Variants in FRMD4B observed in about 807,000 individuals in gnomAD.
The protein encoded by FRMD4B is FERM domain-containing protein 4B.
Under a neutral mutation model 141.5 loss-of-function variants are expected in FRMD4B, and 74 were observed. The observed-to-expected ratio is 0.52, with a 90% CI of 0.43 to 0.63. The LOEUF (loss-of-function observed/expected upper bound fraction) is 0.63, where lower values mean the gene tolerates loss of function less well. Ranked by LOEUF, FRMD4B falls within the 30% of genes least tolerant of loss-of-function variation. The pLI, the probability that FRMD4B is intolerant of heterozygous loss-of-function variation, is 0.00. For missense variants in FRMD4B, 1,366 were observed against 1,253.4 expected (o/e 1.09, Z -1.36); for synonymous variants, 506 against 467.9 (o/e 1.08, Z -1.05).
At chr3:69,366,361 A>G (rs999479481) in intron 1 of FRMD4B, among the ~76,000 whole-genome samples, 82 of 152,326 alleles carry the variant, frequency 5.4e-4, no homozygotes, top group African/African-American at 1.9e-3. Context: ...TGGTTCATTC[A>G]TACCATTGAA....
intron 3 of FRMD4B, among the ~76,000 whole-genome samples, chr3:69,310,051 A>T (rs997651289): frequency 6.6e-6 from 1 of 152,160 alleles, no homozygotes; most frequent in African/African-American, 2.4e-5. Context: ...GTAGCTGTTG[A>T]GTGATTCAGA....
intron 11 of FRMD4B, among the ~76,000 whole-genome samples, chr3:69,212,381 G>GA (rs61444871): frequency 0.58 from 55,436 of 95,546 alleles, 14,610 homozygotes; most frequent in Non-Finnish European, 0.63. Context: ...AAAAAAAAAA[G>GA]AAAAAAAAAA....
chr3:69,255,047 T>A (rs1187383175), intron 5 of FRMD4B, among the ~76,000 whole-genome samples: 1 of 152,114 alleles, frequency 6.6e-6, no homozygotes, highest in Middle Eastern at 3.2e-3. Flanking sequence ...CTATCCCAGA[T>A]CAGGAGGAAA....
intron 11 of FRMD4B, among the ~76,000 whole-genome samples, chr3:69,208,580 A>G (rs1272104433): frequency 6.6e-6 from 1 of 152,024 alleles, no homozygotes; most frequent in Non-Finnish European, 1.5e-5. Flanking sequence ...ACTGTTCTTT[A>G]TGAGCTTTCT....
intron 8 of FRMD4B, among the ~76,000 whole-genome samples, chr3:69,223,148 G>A (rs2093213657): frequency 6.6e-6 from 1 of 152,152 alleles, no homozygotes; most frequent in African/African-American, 2.4e-5. Flanking sequence ...GAAATCTCAA[G>A]TATAACCTAG....
intron 21 of FRMD4B, among the ~76,000 whole-genome samples, chr3:69,179,976 C>T (rs536739562): frequency 3.5e-4 from 53 of 152,216 alleles, no homozygotes; most frequent in African/African-American, 1.3e-3. Context: ...AGGAAGTCCT[C>T]CACAAATGTT....
intron 4 of FRMD4B, among the ~76,000 whole-genome samples, chr3:69,298,459 GC>G (rs2107144553): frequency 6.6e-6 from 1 of 152,290 alleles, no homozygotes; most frequent in African/African-American, 2.4e-5. Context: ...CAACCCAGCA[GC>G]CAGAGTGAGT....
intron 1 of FRMD4B, among the ~76,000 whole-genome samples, chr3:69,363,248 G>GTTTTTTTT (rs56074743): frequency 0.15 from 20,442 of 131,904 alleles, 1,816 homozygotes; most frequent in African/African-American, 0.21. Flanking sequence ...TTTTTACCAT[G>GTTTTTTTT]TTTTTTTTTT....
intron 5 of FRMD4B, among the ~76,000 whole-genome samples, chr3:69,285,523 C>T (rs1700650275): frequency 6.6e-6 from 1 of 151,778 alleles, no homozygotes; most frequent in Non-Finnish European, 1.5e-5. Flanking sequence ...ATGAAGAAAG[C>T]TATACCAAGG....
At position 69,238,881 on chromosome 3, in the gene FRMD4B, G is replaced by A. The variant is rs1382041741; in HGVS notation, c.581+10345C>T. On this transcript the variant is annotated intron_variant, in intron 7 of 22. Transcript: ENST00000398540. ...TTTATTCCTACCACTCTCTGCCCAGGCTGGTGGTCGATTATTACTATTGAG... is the reference window on the plus strand; with the variant it reads ...TTTATTCCTACCACTCTCTGCCCAGACTGGTGGTCGATTATTACTATTGAG... 9.2e-5 allele frequency among the ~76,000 whole-genome samples: 14 copies of A among 152,220 alleles called. No homozygotes were observed. In the East Asian group the frequency reaches 2.7e-3, roughly 29 times the overall value.
chr3:69,251,454 AAAAC>A (rs1204666189), intron 5 of FRMD4B, among the ~76,000 whole-genome samples: 8 of 152,382 alleles, frequency 5.2e-5, no homozygotes, highest in Non-Finnish European at 7.3e-5. Flanking sequence ...GGGTTCTCAA[AAAAC>A]AAACAATAAT....
chr3:69,502,869 G>A (rs1321388426), intron 1 of FRMD4B, among the ~76,000 whole-genome samples: 2 of 152,112 alleles, frequency 1.3e-5, no homozygotes, highest in African/African-American at 4.8e-5. Flanking sequence ...CAAAAAGTGG[G>A]CAAAGGATAT....
intron 6 of FRMD4B, 47 bp downstream of exon 6, chr3:69,249,996 C>G: frequency 7.7e-7 from 1 of 1,303,316 alleles, no homozygotes. Flanking sequence ...TTAACAAAAA[C>G]GAACAAACAC....
At chr3:69,496,404 T>C (rs1054193505) in intron 1 of FRMD4B, among the ~76,000 whole-genome samples, 21 of 152,054 alleles carry the variant, frequency 1.4e-4, no homozygotes, top group Non-Finnish European at 1.2e-4. Context: ...CCTCTGGCCA[T>C]ATTGATTGAT....
chr3:69,365,389 A>C (rs1487490047), intron 1 of FRMD4B, among the ~76,000 whole-genome samples: 2 of 152,234 alleles, frequency 1.3e-5, no homozygotes, highest in Non-Finnish European at 2.9e-5. Context: ...TAAAATAAAA[A>C]CAAATAAAAT....
Position 69,200,944 on chromosome 3 carries a change from T to A in FRMD4B, c.877-2170A>T, listed in dbSNP as rs1160588888. The A allele has an allele frequency of 6.8e-6, 3 of 439,782 alleles. No homozygotes were observed. In the Admixed American group the frequency reaches 7.4e-5, roughly 11 times the overall value. 27.2% of individuals were successfully genotyped at this position (439,782 alleles called of 1,614,324 possible). ...ATCTCTGAAAGTCACCACCTCCCCC[T>A]CTTATCACTTACAAATGTGAAACCC... On this transcript the variant is annotated intron_variant, in intron 11 of 22. Coordinates refer to ENST00000398540, the MANE Select transcript of FRMD4B (RefSeq NM_015123.3).
rs920887006 is a variant in FRMD4B, at chr3:69,169,874, C to T, written c.*1987G>A. The stretch of plus-strand genomic sequence containing the variant: ...GAACTAATTTCTTGAATTTAGAAGA[C>T]CTGTTTGCCAGTCTGTGAAATTAGT... On this transcript the variant is annotated 3_prime_UTR_variant, in exon 23 of 23. Coordinates refer to ENST00000398540, the MANE Select transcript of FRMD4B (RefSeq NM_015123.3). The T allele has an allele frequency of 6.6e-6, 1 of 152,152 alleles. No homozygotes were observed. Among genetic ancestry groups the T allele is most frequent in the African/African-American group, 2.4e-5 (1 of 41,440 alleles). The allele number at this position is 152,152 out of a possible 1,614,324, so 9.4% of individuals were successfully genotyped here.
intron 7 of FRMD4B, among the ~76,000 whole-genome samples, chr3:69,231,642 T>A (rs1189141153): frequency 1.3e-5 from 2 of 152,250 alleles, no homozygotes; most frequent in Non-Finnish European, 2.9e-5. Flanking sequence ...TTACACATTA[T>A]TCTATGTGAT....
At chr3:69,402,198 G>T (rs1704574426) in intron 2 of FRMD4B, among the ~76,000 whole-genome samples, 5 of 152,202 alleles carry the variant, frequency 3.3e-5, no homozygotes, top group African/African-American at 1.2e-4. Context: ...GTTTAGGAAA[G>T]GGCATGTGAT....
Sources: allele counts gnomAD v4.1 joint callset (sites outside exome capture counted in the v4.1 genomes callset), GRCh38; gene constraint gnomAD v4.1.1; transcripts MANE v1.5; gene names NCBI Gene and HGNC (gene_info 2026-07-23, HGNC 2026-07-21).